Variants in PRORP observed in about 807,000 individuals in gnomAD.
PRORP encodes the protein mitochondrial ribonuclease P catalytic subunit.
PRORP carries 51 observed loss-of-function variants against 59.4 expected under a neutral mutation model. The ratio of observed to expected loss-of-function variants is 0.86; its 90% CI spans 0.69 to 1.08. PRORP has a LOEUF of 1.08. PRORP is among the 50% of genes least tolerant of loss of function. The pLI, the probability that PRORP is intolerant of heterozygous loss-of-function variation, is 0.00. For synonymous variants in PRORP, 231 were observed against 245.6 expected (o/e 0.94, Z 0.55); for missense variants, 646 against 690.3 (o/e 0.94, Z 0.72).
chr14:35,218,587 C>T (rs1442071415), intron 5 of PRORP, among the ~76,000 whole-genome samples: 7 of 136,620 alleles, frequency 5.1e-5, no homozygotes, highest in Non-Finnish European at 7.6e-5. Context: ...AATGCAGCGG[C>T]GCGATCTCAG....
At chr14:35,132,769 A>C (rs1275110445) in intron 4 of PRORP, among the ~76,000 whole-genome samples, 4 of 148,600 alleles carry the variant, frequency 2.7e-5, no homozygotes, top group African/African-American at 1.0e-4. Context: ...CCTGGGCGAC[A>C]GAGTGAGACT....
intron 4 of PRORP, among the ~76,000 whole-genome samples, chr14:35,160,189 G>A (rs1215529587): frequency 2.0e-5 from 3 of 152,218 alleles, no homozygotes; most frequent in Admixed American, 1.3e-4. Flanking sequence ...CACGTCATTT[G>A]AGCTGATGAA....
At chr14:35,176,651 TG>T (rs1307411212) in intron 4 of PRORP, among the ~76,000 whole-genome samples, 2 of 152,232 alleles carry the variant, frequency 1.3e-5, no homozygotes, top group Non-Finnish European at 2.9e-5. Context: ...GCTGAGACAA[TG>T]GGGTTTTCTA....
rs150193558 is a variant in PRORP at position 35,252,334 on chromosome 14, G to C, written c.1276-14393G>C. ...GCTACTCAGGAGGCTGAAGCAGGCG[G>C]ATGACTTGAGCCCAGGACGTCAAGG... On this transcript the variant is annotated intron_variant, in intron 5 of 7. Transcript: ENST00000534898. Among the ~76,000 whole-genome samples, 8 of 152,274 alleles carry C rather than the reference G, an allele frequency of 5.3e-5. 1 individual carries two copies. The highest frequency in any genetic ancestry group is 1.9e-4 in the African/African-American group (8 of 41,550).
rs115683263 is a variant in PRORP, at chr14:35,207,873, C to T, written c.1275+27096C>T. Reference sequence around the variant, plus strand: ...CTGACTTATATAAGATGTAACTGGCCGGGCGCGGTGGCTCACGCCTGTAAT... The same window carrying T: ...CTGACTTATATAAGATGTAACTGGCTGGGCGCGGTGGCTCACGCCTGTAAT... On this transcript the variant is annotated intron_variant, in intron 5 of 7. Coordinates refer to ENST00000534898, the MANE Select transcript of PRORP (RefSeq NM_014672.4). 9.9e-5 allele frequency among the ~76,000 whole-genome samples: 15 copies of T among 152,214 alleles called. No individual in the cohort carries two copies. The East Asian group carries it at 2.7e-3, about 27-fold the overall frequency.
At chr14:35,255,618 A>G (rs1197392627) in intron 5 of PRORP, among the ~76,000 whole-genome samples, 1 of 152,000 alleles carries the variant, frequency 6.6e-6, no homozygotes, top group Non-Finnish European at 1.5e-5. Context: ...GGCTCAAGCA[A>G]TCCTCCTACC....
At chr14:35,156,103 T>C (rs1027728615) in intron 4 of PRORP, among the ~76,000 whole-genome samples, 2 of 152,236 alleles carry the variant, frequency 1.3e-5, no homozygotes, top group African/African-American at 4.8e-5. Context: ...TACTCCAGTG[T>C]GCACAACCCC....
chr14:35,145,810 T>TATTTATTTATTTA (rs1404036329), intron 4 of PRORP, among the ~76,000 whole-genome samples: 1 of 122,198 alleles, frequency 8.2e-6, no homozygotes, highest in Non-Finnish European at 1.8e-5. Context: ...TTTGATTATT[T>TATTTATTTATTTA]ATTTATTTAT....
chr14:35,209,208 G>A (rs2415276), intron 5 of PRORP, among the ~76,000 whole-genome samples: 123,390 of 151,646 alleles, frequency 0.81, 50,218 homozygotes, highest in Admixed American at 0.85. Flanking sequence ...ATACTTTACC[G>A]TCTTTATTAT....
intron 4 of PRORP, among the ~76,000 whole-genome samples, chr14:35,148,732 C>A (rs1339899176): frequency 6.6e-6 from 1 of 152,002 alleles, no homozygotes; most frequent in African/African-American, 2.4e-5. Flanking sequence ...GTTTTGTCTC[C>A]ACGGAAAATC....
At chr14:35,201,916 C>T (rs2139131389) in intron 5 of PRORP, among the ~76,000 whole-genome samples, 1 of 151,756 alleles carries the variant, frequency 6.6e-6, no homozygotes, top group East Asian at 1.9e-4. Flanking sequence ...CTTGGGCCTC[C>T]CAAGGTGCTG....
Position 35,270,603 on chromosome 14 carries a change from G to A in PRORP, c.1620+7G>A, listed in dbSNP as rs2051162047. 6.8e-6 allele frequency: 11 copies of A among 1,609,254 alleles called. No individual in the cohort carries two copies. The highest frequency in any genetic ancestry group is 9.4e-6 in the Non-Finnish European group (11 of 1,175,632). ...ATCAAAACTAACCTTTCAGGTAATGGTACCTGTTCTTTATGTAATATTAAC... is the reference window on the plus strand; with the variant it reads ...ATCAAAACTAACCTTTCAGGTAATGATACCTGTTCTTTATGTAATATTAAC... On this transcript the variant is annotated splice_region_variant and intron_variant, in intron 7 of 7. Coordinates refer to ENST00000534898, the MANE Select transcript of PRORP (RefSeq NM_014672.4).
In PRORP at chr14:35,241,546, A is replaced by T. The variant is rs374501323; in HGVS notation, c.1276-25181A>T. ...CCTTTTCATCTCTCACTGTTGCTGA[A>T]GTCTAATAATTGGCCTCAATACATT... On this transcript the variant is annotated intron_variant, in intron 5 of 7. Coordinates refer to ENST00000534898, the MANE Select transcript of PRORP (RefSeq NM_014672.4). Among the ~76,000 whole-genome samples the T allele has an allele frequency of 6.6e-5, 10 of 152,242 alleles. No individual in the cohort carries two copies. In the East Asian group the frequency reaches 1.4e-3, roughly 21 times the overall value.
At chr14:35,198,162 A>G in intron 5 of PRORP, among the ~76,000 whole-genome samples, 1 of 152,234 alleles carries the variant, frequency 6.6e-6, no homozygotes, top group East Asian at 1.9e-4. Flanking sequence ...CAAAGGAGCT[A>G]TTTCCACTAT....
At chr14:35,258,382 T>C (rs962673414) in intron 5 of PRORP, among the ~76,000 whole-genome samples, 1 of 151,944 alleles carries the variant, frequency 6.6e-6, no homozygotes, top group African/African-American at 2.4e-5. Context: ...TTAACCCCGA[T>C]GGTAATCAGA....
At chr14:35,258,286 C>G (rs545117863) in intron 5 of PRORP, among the ~76,000 whole-genome samples, 1 of 152,232 alleles carries the variant, frequency 6.6e-6, no homozygotes, top group African/African-American at 2.4e-5. Context: ...GCCACCGCAC[C>G]TGGCAAAATA....
chr14:35,274,520 C>T lies in PRORP; in HGVS notation c.*954C>T. The T allele has an allele frequency of 6.6e-6, 1 of 152,250 alleles. No individual in the cohort carries two copies. The highest frequency in any genetic ancestry group is 1.5e-5 in the Non-Finnish European group (1 of 68,040). 9.4% of individuals were successfully genotyped at this position (152,250 alleles called of 1,614,324 possible). A position where few individuals can be genotyped will look rare whatever the true frequency, so the allele number is the denominator to read the frequency against. On this transcript the variant is annotated 3_prime_UTR_variant, in exon 8 of 8. Transcript: ENST00000534898. ...AAAATTAGCCAGGCATGGTAGTTTG[C>T]ACACATAGTCCCAGCTACTTTGGGG...
intron 5 of PRORP, among the ~76,000 whole-genome samples, chr14:35,258,875 A>T (rs1008671260): frequency 1.3e-5 from 2 of 152,248 alleles, no homozygotes; most frequent in Non-Finnish European, 2.9e-5. Flanking sequence ...GACTAAAATG[A>T]GGTTAACTGA....
At chr14:35,248,966 G>T (rs567972014) in intron 5 of PRORP, among the ~76,000 whole-genome samples, 9 of 152,224 alleles carry the variant, frequency 5.9e-5, no homozygotes, top group Admixed American at 3.3e-4. Context: ...ATTTTGTGGC[G>T]AGCACAATGC....
Sources: allele counts gnomAD v4.1 joint callset (sites outside exome capture counted in the v4.1 genomes callset), GRCh38; gene constraint gnomAD v4.1.1; transcripts MANE v1.5; gene names NCBI Gene and HGNC (gene_info 2026-07-23, HGNC 2026-07-21).